OSBPL6: variants seen among roughly 807,000 people sequenced by gnomAD.
OSBPL6 encodes oxysterol-binding protein-related protein 6.
OSBPL6 carries 49 observed loss-of-function variants against 125.8 expected under a neutral mutation model. The observed-to-expected ratio is 0.39, with a 90% CI of 0.31 to 0.49. The LOEUF is 0.49. Ranked by LOEUF, OSBPL6 falls within the 20% of genes least tolerant of loss-of-function variation. The pLI, the probability that OSBPL6 is intolerant of heterozygous loss-of-function variation, is 0.88. For synonymous variants in OSBPL6, 394 were observed against 391.8 expected (o/e 1.01, Z -0.07); for missense variants, 986 against 1,135.4 (o/e 0.87, Z 1.89).
At chr2:178,331,129 T>C (rs1324910664) in intron 5 of OSBPL6, among the ~76,000 whole-genome samples, 1 of 152,226 alleles carries the variant, frequency 6.6e-6, no homozygotes, top group South Asian at 2.1e-4. Flanking sequence ...TTGTCTGTGG[T>C]ATCCAGGGAA....
chr2:178,327,540 A>G (rs919067610), intron 4 of OSBPL6, among the ~76,000 whole-genome samples: 7 of 152,214 alleles, frequency 4.6e-5, no homozygotes, highest in African/African-American at 1.7e-4. Flanking sequence ...TGTGTGAGTC[A>G]AAAGCCACAG....
chr2:178,281,655 T>G (rs1327357223), intron 1 of OSBPL6, among the ~76,000 whole-genome samples: 3 of 152,130 alleles, frequency 2.0e-5, no homozygotes, highest in African/African-American at 7.2e-5. Flanking sequence ...TGCAGGGACA[T>G]GGACAGAGGT....
At chr2:178,250,944 A>G (rs1322238183) in intron 1 of OSBPL6, among the ~76,000 whole-genome samples, 1 of 151,882 alleles carries the variant, frequency 6.6e-6, no homozygotes, top group Non-Finnish European at 1.5e-5. Flanking sequence ...GTAGACATTC[A>G]TCAAATATTG....
chr2:178,312,302 C>T (rs1687355054), intron 3 of OSBPL6, among the ~76,000 whole-genome samples: 1 of 150,808 alleles, frequency 6.6e-6, no homozygotes, highest in African/African-American at 2.4e-5. Context: ...GCTGGGATTA[C>T]AGGTGCACCA....
At chr2:178,239,604 AT>A (rs1478167544) in intron 1 of OSBPL6, among the ~76,000 whole-genome samples, 4 of 143,414 alleles carry the variant, frequency 2.8e-5, no homozygotes, top group Non-Finnish European at 6.0e-5. Context: ...TTATTTATTT[AT>A]TTATTTATTT....
intron 1 of OSBPL6, among the ~76,000 whole-genome samples, chr2:178,253,803 A>G (rs2091782250): frequency 6.6e-6 from 1 of 152,328 alleles, no homozygotes; most frequent in South Asian, 2.1e-4. Flanking sequence ...TGACCCCTCT[A>G]AAACTCATGT....
At chr2:178,275,741 A>C (rs536170793) in intron 1 of OSBPL6, among the ~76,000 whole-genome samples, 1 of 151,770 alleles carries the variant, frequency 6.6e-6, no homozygotes, top group Non-Finnish European at 1.5e-5. Flanking sequence ...AAGAGGGAAA[A>C]AAAAAAAGAG....
Position 178,374,941 on chromosome 2 carries a change from A to G in OSBPL6, c.1533+914A>G, listed in dbSNP as rs376790758. On this transcript the variant is annotated intron_variant, in intron 15 of 24. Transcript: ENST00000190611. Reference sequence around the variant, plus strand: ...GGGAGAAAAGTAAAATAGAATTCTTATATCAGATACAGAATTTGTCAGCAT... The same window carrying G: ...GGGAGAAAAGTAAAATAGAATTCTTGTATCAGATACAGAATTTGTCAGCAT... Among the ~76,000 whole-genome samples the G allele has an allele frequency of 5.3e-5, 8 of 152,318 alleles. No individual in the cohort carries two copies. The East Asian group carries it at 1.2e-3, about 22-fold the overall frequency.
intron 3 of OSBPL6, among the ~76,000 whole-genome samples, chr2:178,314,015 T>C (rs1440323985): frequency 6.6e-6 from 1 of 152,226 alleles, no homozygotes; most frequent in Non-Finnish European, 1.5e-5. Flanking sequence ...AGTTTTCTTG[T>C]TGAACAAACA....
intron 11 of OSBPL6, among the ~76,000 whole-genome samples, chr2:178,343,000 A>ATGTG (rs1221091543): frequency 2.0e-5 from 3 of 152,202 alleles, no homozygotes; most frequent in Admixed American, 6.5e-5. Context: ...AAAACAGATT[A>ATGTG]TGTGTGTATG....
intron 1 of OSBPL6, among the ~76,000 whole-genome samples, chr2:178,236,877 C>G (rs1234267885): frequency 6.6e-6 from 1 of 152,120 alleles, no homozygotes; most frequent in Non-Finnish European, 1.5e-5. Flanking sequence ...CTCAAACTGG[C>G]ATTGCCCTAA....
chr2:178,324,240 C>G lies in OSBPL6; in HGVS notation c.166C>G (p.Leu56Val), dbSNP rs755910498. 3 of 1,578,188 alleles carry G rather than the reference C, an allele frequency of 1.9e-6. No individual in the cohort carries two copies. The highest frequency in any genetic ancestry group is 2.6e-6 in the Non-Finnish European group (3 of 1,156,028). ...CGAGCCCTCTGTAAGTCGGCAATTG[C>G]TAGAACCGGAGCCAGTCCCCCTCTC... ...STEPSVSRQL[L>V]EPEPVPLSKE... The change falls in exon 4 of 25, where the codon CTA becomes GTA. Residue 56 changes from leucine to valine, a missense_variant. Transcript: ENST00000190611.
At chr2:178,341,303 A>G (rs1394848599) in intron 11 of OSBPL6, among the ~76,000 whole-genome samples, 1 of 148,352 alleles carries the variant, frequency 6.7e-6, no homozygotes, top group African/African-American at 2.5e-5. Context: ...TGCTGCATCT[A>G]GGAGCTCCAC....
intron 1 of OSBPL6, among the ~76,000 whole-genome samples, chr2:178,237,934 A>G (rs966813907): frequency 1.3e-5 from 2 of 152,162 alleles, no homozygotes; most frequent in Admixed American, 6.6e-5. Flanking sequence ...CATCCAGTCA[A>G]TCCTGAGTTA....
intron 1 of OSBPL6, among the ~76,000 whole-genome samples, chr2:178,199,589 T>G (rs1042374454): frequency 2.0e-5 from 3 of 152,016 alleles, no homozygotes; most frequent in African/African-American, 2.4e-5. Flanking sequence ...TAAGGGTTTT[T>G]TTTTTTTTTT....
At chr2:178,349,170 G>A (rs571131171) in intron 11 of OSBPL6, 54 bp from the exon 12 acceptor site, 194 of 1,549,724 alleles carry the variant, frequency 1.3e-4, no homozygotes, top group Non-Finnish European at 1.6e-4. Context: ...CTATGTAGGA[G>A]AATGTGAAAC....
chr2:178,280,484 AC>A (rs1235245010), intron 1 of OSBPL6, among the ~76,000 whole-genome samples: 2 of 152,206 alleles, frequency 1.3e-5, no homozygotes, highest in Non-Finnish European at 2.9e-5. Flanking sequence ...TATAGCGGGT[AC>A]TACACTTCAT....
chr2:178,230,256 T>G (rs1016067358), intron 1 of OSBPL6, among the ~76,000 whole-genome samples: 6 of 152,214 alleles, frequency 3.9e-5, no homozygotes, highest in African/African-American at 1.4e-4. Context: ...TGGCTGATCA[T>G]GTGCCAAGTG....
chr2:178,389,831 T>C (rs748791217), intron 21 of OSBPL6, among the ~76,000 whole-genome samples: 2 of 152,234 alleles, frequency 1.3e-5, no homozygotes, highest in Admixed American at 6.5e-5. Flanking sequence ...GTTCAATTCA[T>C]GATCCCATTC....
Sources: gnomAD v4.1 joint callset for allele counts (sites outside exome capture counted in the v4.1 genomes callset) on GRCh38, gnomAD v4.1.1 for gene constraint, MANE v1.5 for transcripts, NCBI Gene and HGNC (gene_info 2026-07-23, HGNC 2026-07-21) for gene names.